The following AGTPBP1 variants were observed in gnomAD, a reference collection of about 807,000 sequenced individuals.
AGTPBP1 encodes the protein cytosolic carboxypeptidase 1.
Under a neutral mutation model 143.9 loss-of-function variants are expected in AGTPBP1, and 70 were observed. That is an observed-to-expected ratio of 0.49 (90% CI 0.40 to 0.59). The LOEUF is 0.59. AGTPBP1 is among the 20% of genes least tolerant of loss of function. The pLI is 0.00. For missense variants in AGTPBP1, 1,229 were observed against 1,464.5 expected, an observed-to-expected ratio of 0.84 and a Z score of 2.62; for synonymous variants, 463 against 500.2, an observed-to-expected ratio of 0.93 and a Z score of 0.99.
the AGTPBP1 span, among the ~76,000 whole-genome samples, chr9:85,772,617 A>G: frequency 6.6e-6 from 1 of 152,080 alleles, no homozygotes; most frequent in Admixed American, 6.5e-5. Flanking sequence ...GCCAGGCATG[A>G]TGGCATGTAC....
the AGTPBP1 span, among the ~76,000 whole-genome samples, chr9:85,801,851 G>C: frequency 6.6e-6 from 1 of 152,150 alleles, no homozygotes; most frequent in Admixed American, 6.5e-5. Flanking sequence ...TAGTACTAGG[G>C]CTGCTATCAC....
At chr9:85,703,779 T>C (rs1836816906) in intron 2 of AGTPBP1, among the ~76,000 whole-genome samples, 1 of 152,184 alleles carries the variant, frequency 6.6e-6, no homozygotes, top group East Asian at 1.9e-4. Flanking sequence ...AATGAGATTG[T>C]CCAAGGACAC....
At chr9:85,624,935 A>C (rs1831177234) in intron 14 of AGTPBP1, among the ~76,000 whole-genome samples, 1 of 152,210 alleles carries the variant, frequency 6.6e-6, no homozygotes, top group Non-Finnish European at 1.5e-5. Context: ...TTTATAATAC[A>C]TCTTACACCT....
rs10481767 is a variant in AGTPBP1 at position 85,738,587 on chromosome 9, C to G, written c.-34+3188G>C. The stretch of plus-strand genomic sequence containing the variant: ...TCAAAGAAACACCCAATCACAAACT[C>G]AAAAACAGATGATTAAAAGATTAAA... On this transcript the variant is annotated intron_variant, in intron 1 of 25. Transcript: ENST00000357081. Among the ~76,000 whole-genome samples, 75 of 152,192 alleles carry G rather than the reference C, an allele frequency of 4.9e-4. 1 individual carries two copies. Among genetic ancestry groups the G allele is most frequent in the African/African-American group, 1.4e-3 (59 of 41,514 alleles).
At chr9:85,618,355 G>T (rs568785256) in intron 17 of AGTPBP1, among the ~76,000 whole-genome samples, 157 of 152,196 alleles carry the variant, frequency 1.0e-3, no homozygotes, top group African/African-American at 3.5e-3. Context: ...TGCTACACAA[G>T]TGCTTCCAGC....
chr9:85,713,952 G>A (rs1025962942), intron 1 of AGTPBP1, among the ~76,000 whole-genome samples: 20 of 152,096 alleles, frequency 1.3e-4, no homozygotes, highest in African/African-American at 4.6e-4. Flanking sequence ...AATCTTACGT[G>A]ATTTCAAAAG....
chr9:85,779,218 GATAT>G, the AGTPBP1 span, among the ~76,000 whole-genome samples: 21 of 99,978 alleles, frequency 2.1e-4, no homozygotes, highest in African/African-American at 6.9e-4. Context: ...TATAGATATA[GATAT>G]AGATATAGAT....
At chr9:85,706,583 A>G (rs568650029) in intron 2 of AGTPBP1, among the ~76,000 whole-genome samples, 24 of 150,574 alleles carry the variant, frequency 1.6e-4, no homozygotes, top group African/African-American at 5.6e-4. Flanking sequence ...AATATAGAAG[A>G]TCTAGGGCCA....
At chr9:85,552,355 C>T (rs2118427924) in intron 25 of AGTPBP1, among the ~76,000 whole-genome samples, 1 of 152,256 alleles carries the variant, frequency 6.6e-6, no homozygotes, top group Admixed American at 6.5e-5. Flanking sequence ...AAGTGTAACA[C>T]AAAACTAAAC....
At chr9:85,672,141 G>C (rs988229982) in intron 7 of AGTPBP1, among the ~76,000 whole-genome samples, 2 of 151,760 alleles carry the variant, frequency 1.3e-5, no homozygotes, top group Non-Finnish European at 2.9e-5. Flanking sequence ...CACAATCTCA[G>C]CTCATTGCAA....
chr9:85,561,039 A>C (rs1012871097), intron 25 of AGTPBP1, among the ~76,000 whole-genome samples: 1 of 152,192 alleles, frequency 6.6e-6, no homozygotes, highest in Non-Finnish European at 1.5e-5. Context: ...TAAATATGAA[A>C]GACTAAGAGA....
intron 19 of AGTPBP1, among the ~76,000 whole-genome samples, chr9:85,590,723 G>T (rs1341979927): frequency 6.6e-6 from 1 of 152,268 alleles, no homozygotes. Context: ...ACATTTAAAT[G>T]AAACTCCAAA....
In AGTPBP1 at chr9:85,575,396, G is replaced by C. The variant is rs753445906; in HGVS notation, c.3422C>G (p.Thr1141Ser). 2 of 1,610,958 alleles carry C rather than the reference G, an allele frequency of 1.2e-6. No individual in the cohort carries two copies. The highest frequency in any genetic ancestry group is 2.2e-5 in the South Asian group (2 of 90,224). ...CVGLLRLKRL[T>S]SPLEYNLPSS... ...AGGCAGATTATACTCCAATGGAGAG[G>C]TCAGTCTTTTCAAACGTAAAAGACC... Residue 1141 changes from threonine to serine, a missense_variant, in exon 25 of 26, where the codon ACC becomes AGC. Around this residue, in one of 2 missense-constraint regions of AGTPBP1, gnomAD observed 486 missense variants for 652.3 expected, o/e 0.75. Coordinates refer to ENST00000357081, the MANE Select transcript of AGTPBP1 (RefSeq NM_001330701.2).
chr9:85,626,036 T>C (rs1402986090), intron 14 of AGTPBP1, among the ~76,000 whole-genome samples: 4 of 138,766 alleles, frequency 2.9e-5, no homozygotes, highest in Admixed American at 1.4e-4. Flanking sequence ...TTATGGACTA[T>C]AAAAACAAAA....
chr9:85,805,021 G>A, the AGTPBP1 span, among the ~76,000 whole-genome samples: 8,866 of 152,166 alleles, frequency 0.058, 839 homozygotes, highest in African/African-American at 0.2. Flanking sequence ...CCCTCGGGAG[G>A]CCTCCCTCCT....
At chr9:85,565,019 C>G (rs1018044870) in intron 25 of AGTPBP1, among the ~76,000 whole-genome samples, 2 of 152,154 alleles carry the variant, frequency 1.3e-5, no homozygotes, top group East Asian at 1.9e-4. Context: ...CAGGCCCTCA[C>G]CAAACACCAA....
the AGTPBP1 span, chr9:85,765,072 A>G: frequency 1.8e-6 from 1 of 548,510 alleles, no homozygotes; most frequent in Non-Finnish European, 3.3e-6. Flanking sequence ...CCTGGCACTT[A>G]TTTGGCACCA....
chr9:85,706,640 G>A (rs1382865873), intron 2 of AGTPBP1, among the ~76,000 whole-genome samples: 1 of 152,138 alleles, frequency 6.6e-6, no homozygotes, highest in Non-Finnish European at 1.5e-5. Flanking sequence ...GGAGGCTGAG[G>A]CGGGCGGATC....
chr9:85,552,730 T>C (rs1206900115), intron 25 of AGTPBP1, among the ~76,000 whole-genome samples: 1 of 152,204 alleles, frequency 6.6e-6, no homozygotes, highest in African/African-American at 2.4e-5. Context: ...ACCCAGGCAA[T>C]GGCCTGTCTC....
Sources: gnomAD v4.1 joint callset for allele counts (sites outside exome capture counted in the v4.1 genomes callset) on GRCh38, gnomAD v4.1.1 for gene constraint, gnomAD v4.1.1 regional missense constraint, MANE v1.5 for transcripts, NCBI Gene and HGNC (gene_info 2026-07-23, HGNC 2026-07-21) for gene names.